TECRL: variants seen among roughly 807,000 people sequenced by gnomAD.
TECRL encodes the protein trans-2,3-enoyl-CoA reductase-like.
Under a neutral mutation model 52.8 loss-of-function variants are expected in TECRL, and 63 were observed. The observed-to-expected ratio is 1.19, with a 90% CI of 0.97 to 1.47. The LOEUF (loss-of-function observed/expected upper bound fraction) is 1.47, where lower values mean the gene tolerates loss of function less well. Ranked by LOEUF, TECRL falls within the 40% of genes most tolerant of loss-of-function variation. The pLI, the probability that TECRL is intolerant of heterozygous loss-of-function variation, is 0.00. For synonymous variants in TECRL, 164 were observed against 141.9 expected (o/e 1.16, Z -1.10); for missense variants, 482 against 429.6 (o/e 1.12, Z -1.08).
At chr4:64,330,422 C>T (rs1276828332) in intron 2 of TECRL, among the ~76,000 whole-genome samples, 1 of 151,962 alleles carries the variant, frequency 6.6e-6, no homozygotes, top group East Asian at 1.9e-4. Context: ...ATCAAAAGTT[C>T]AAATGTTGAT....
At position 64,281,096 on chromosome 4, in the gene TECRL, T is replaced by G. The variant is rs759508909; in HGVS notation, c.919-10A>C. ...TAATCCATGATCCAATCTGTTATAT[T>G]AAAACTTAAATTAGCACATACATAA... On this transcript the variant is annotated splice_polypyrimidine_tract_variant and intron_variant, in intron 10 of 11. Transcript: ENST00000381210. 1 of 1,593,016 alleles carries G rather than the reference T, an allele frequency of 6.3e-7. No individual in the cohort carries two copies. The highest frequency in any genetic ancestry group is 1.1e-5 in the South Asian group (1 of 87,314).
chr4:64,283,619 A>G (rs186102400), intron 9 of TECRL, among the ~76,000 whole-genome samples: 17 of 152,232 alleles, frequency 1.1e-4, no homozygotes, highest in Admixed American at 8.5e-4. Context: ...CCAGTTGTGA[A>G]AGTTAGAGGT....
chr4:64,284,578 G>T (rs568107042), intron 9 of TECRL, among the ~76,000 whole-genome samples: 1 of 152,126 alleles, frequency 6.6e-6, no homozygotes, highest in South Asian at 2.1e-4. Context: ...TAGTGAACGG[G>T]ATTAAAGGAC....
At chr4:64,393,818 G>T (rs955829135) in intron 1 of TECRL, among the ~76,000 whole-genome samples, 1 of 151,774 alleles carries the variant, frequency 6.6e-6, no homozygotes, top group African/African-American at 2.4e-5. Flanking sequence ...TCCCAGTTAC[G>T]ATTACAATAT....
At chr4:64,405,867 G>A (rs369279231) in intron 1 of TECRL, among the ~76,000 whole-genome samples, 2 of 152,070 alleles carry the variant, frequency 1.3e-5, no homozygotes, top group Admixed American at 6.6e-5. Flanking sequence ...TTAAGGAGGA[G>A]GCGATTAACA....
chr4:64,341,462 T>C (rs1320431998), intron 2 of TECRL, among the ~76,000 whole-genome samples: 16 of 151,606 alleles, frequency 1.1e-4, no homozygotes, highest in Admixed American at 5.3e-4. Context: ...TAGCTGGGGG[T>C]GGTGGCACAT....
At chr4:64,344,889 G>A (rs1436262423) in intron 2 of TECRL, among the ~76,000 whole-genome samples, 1 of 152,144 alleles carries the variant, frequency 6.6e-6, no homozygotes, top group African/African-American at 2.4e-5. Context: ...GGTAGCTCTT[G>A]ACTGAGTGAC....
intron 4 of TECRL, among the ~76,000 whole-genome samples, chr4:64,318,059 A>G (rs1717629034): frequency 1.3e-5 from 2 of 152,180 alleles, no homozygotes. Flanking sequence ...ATCCAATAAT[A>G]CAGTTCATTC....
chr4:64,295,555 A>G (rs1235246987), intron 8 of TECRL, among the ~76,000 whole-genome samples: 1 of 151,574 alleles, frequency 6.6e-6, no homozygotes, highest in East Asian at 1.9e-4. Context: ...ATGAAAATAT[A>G]GCATAAAAAT....
At chr4:64,342,433 A>ATGTGTGTGTGTG (rs144001005) in intron 2 of TECRL, among the ~76,000 whole-genome samples, 1 of 150,096 alleles carries the variant, frequency 6.7e-6, no homozygotes, top group African/African-American at 2.4e-5. Flanking sequence ...ATATATATAT[A>ATGTGTGTGTGTG]TGTGTGTGTG....
chr4:64,319,158 T>C (rs1717713365), intron 4 of TECRL, among the ~76,000 whole-genome samples: 2 of 151,398 alleles, frequency 1.3e-5, no homozygotes. Context: ...AAGATATAAA[T>C]ACCAAAATAA....
chr4:64,356,487 C>T (rs941136391), intron 2 of TECRL, among the ~76,000 whole-genome samples: 2 of 152,170 alleles, frequency 1.3e-5, no homozygotes, highest in Non-Finnish European at 2.9e-5. Context: ...GGCAGCAATG[C>T]TGCTTTGTTA....
chr4:64,333,887 G>T (rs993350552), intron 2 of TECRL, among the ~76,000 whole-genome samples: 1 of 141,740 alleles, frequency 7.1e-6, no homozygotes, highest in Non-Finnish European at 1.5e-5. Flanking sequence ...AGCCGGGCGC[G>T]GTGGCGGGCG....
At chr4:64,399,673 G>A (rs774090191) in intron 1 of TECRL, among the ~76,000 whole-genome samples, 2 of 152,178 alleles carry the variant, frequency 1.3e-5, no homozygotes, top group Non-Finnish European at 2.9e-5. Context: ...CTGGTGCAAA[G>A]GGACTTATGT....
At chr4:64,372,917 C>G (rs1424725493) in intron 2 of TECRL, among the ~76,000 whole-genome samples, 1 of 151,330 alleles carries the variant, frequency 6.6e-6, no homozygotes, top group Non-Finnish European at 1.5e-5. Flanking sequence ...TATTTATGTA[C>G]TTTAATAAGT....
chr4:64,281,133 T>C (rs1285298943), intron 10 of TECRL, 47 bp from the exon 11 acceptor site: 1 of 1,483,780 alleles, frequency 6.7e-7, no homozygotes, highest in African/African-American at 1.4e-5. Flanking sequence ...TGGAATCTAG[T>C]AATTTGTTCA....
chr4:64,331,935 T>C (rs1383283834), intron 2 of TECRL, among the ~76,000 whole-genome samples: 1 of 152,110 alleles, frequency 6.6e-6, no homozygotes, highest in East Asian at 1.9e-4. Context: ...AGTCCATTAA[T>C]TGCAATGACA....
chr4:64,382,236 G>T (rs11728757), intron 1 of TECRL, among the ~76,000 whole-genome samples: 39 of 1,960 alleles, frequency 0.02, no homozygotes, highest in African/African-American at 0.023. Context: ...TATATATATA[G>T]TATTATGTAT....
chr4:64,283,305 C>A (rs1395441537), intron 9 of TECRL, among the ~76,000 whole-genome samples: 1 of 151,942 alleles, frequency 6.6e-6, no homozygotes, highest in African/African-American at 2.4e-5. Flanking sequence ...CTGGCATTTG[C>A]AATCCAGAAA....
Sources: gnomAD v4.1 joint callset for allele counts (sites outside exome capture counted in the v4.1 genomes callset) on GRCh38, gnomAD v4.1.1 for gene constraint, MANE v1.5 for transcripts, NCBI Gene and HGNC (gene_info 2026-07-23, HGNC 2026-07-21) for gene names.